NELL1: variants seen among roughly 807,000 people sequenced by gnomAD.
The protein encoded by NELL1 is neural EGFL like 1.
NELL1 carries 76 observed loss-of-function variants against 107.4 expected under a neutral mutation model. The observed-to-expected ratio is 0.71, with a 90% CI of 0.59 to 0.86. The LOEUF (loss-of-function observed/expected upper bound fraction) is 0.86, where lower values mean the gene tolerates loss of function less well. Ranked by LOEUF, NELL1 falls within the 40% of genes least tolerant of loss-of-function variation. The pLI is 0.00. For missense variants in NELL1, 1,024 were observed against 1,005.5 expected, an observed-to-expected ratio of 1.02 and a Z score of -0.25; for synonymous variants, 353 against 341.2, an observed-to-expected ratio of 1.03 and a Z score of -0.38.
At chr11:20,683,777 C>T (rs1349528325) in intron 2 of NELL1, among the ~76,000 whole-genome samples, 1 of 152,024 alleles carries the variant, frequency 6.6e-6, no homozygotes. Context: ...TTTTTGTCCC[C>T]ATTCTTTAAA....
intron 13 of NELL1, among the ~76,000 whole-genome samples, chr11:21,144,342 G>A (rs1160363615): frequency 2.0e-5 from 3 of 152,134 alleles, no homozygotes; most frequent in Non-Finnish European, 2.9e-5. Context: ...AAGGACAGTT[G>A]CATTCTGATT....
At chr11:21,571,754 A>G (rs943960015) in intron 18 of NELL1, among the ~76,000 whole-genome samples, 2 of 151,866 alleles carry the variant, frequency 1.3e-5, no homozygotes, top group African/African-American at 4.8e-5. Context: ...TATATCACAA[A>G]GATTTCTAGC....
chr11:21,276,579 T>C (rs11493405), intron 14 of NELL1, among the ~76,000 whole-genome samples: 53,118 of 151,724 alleles, frequency 0.35, 10,750 homozygotes, highest in Non-Finnish European at 0.47. Context: ...AAAAAGAGCC[T>C]GCATTGCCAA....
intron 15 of NELL1, among the ~76,000 whole-genome samples, chr11:21,466,238 T>C (rs1854026890): frequency 6.6e-6 from 1 of 152,122 alleles, no homozygotes; most frequent in Non-Finnish European, 1.5e-5. Context: ...AGGGCAGTCT[T>C]TCAGCATTGC....
intron 4 of NELL1, among the ~76,000 whole-genome samples, chr11:20,848,026 A>T (rs1474493612): frequency 6.6e-6 from 1 of 152,218 alleles, no homozygotes; most frequent in Non-Finnish European, 1.5e-5. Context: ...AGTGCACCTC[A>T]GTGTGCTCCA....
At chr11:21,419,525 G>A (rs1056767150) in intron 15 of NELL1, among the ~76,000 whole-genome samples, 1 of 152,046 alleles carries the variant, frequency 6.6e-6, no homozygotes, top group African/African-American at 2.4e-5. Context: ...TACAGCAACT[G>A]TTGTCATCAA....
chr11:21,046,690 T>G, intron 12 of NELL1, among the ~76,000 whole-genome samples: 1 of 134,522 alleles, frequency 7.4e-6, no homozygotes, highest in South Asian at 2.1e-4. Flanking sequence ...ATTTATTTAT[T>G]TATTTATTTA....
At chr11:21,203,110 G>T (rs1857307949) in intron 13 of NELL1, among the ~76,000 whole-genome samples, 1 of 152,174 alleles carries the variant, frequency 6.6e-6, no homozygotes, top group Non-Finnish European at 1.5e-5. Flanking sequence ...GATCTGAGGT[G>T]GAGAGTTCTG....
rs561257829 is a variant in NELL1 at position 20,812,331 on chromosome 11, C to G, written c.335+28501C>G. ...ATCTTTTTTGATGTACTGTTGCACT[C>G]TCTTTGACAGTATTTTGTTGAGAAT... is the stretch of plus-strand genomic sequence containing the variant. On this transcript the variant is annotated intron_variant, in intron 3 of 19. Coordinates refer to ENST00000357134, the MANE Select transcript of NELL1 (RefSeq NM_006157.5). Among the ~76,000 whole-genome samples the G allele has an allele frequency of 6.6e-5, 10 of 152,206 alleles. No individual in the cohort carries two copies. The East Asian group carries it at 1.9e-3, about 29-fold the overall frequency.
At chr11:20,719,573 C>T (rs1196284952) in intron 2 of NELL1, among the ~76,000 whole-genome samples, 2 of 152,126 alleles carry the variant, frequency 1.3e-5, no homozygotes, top group East Asian at 3.9e-4. Flanking sequence ...TTCTTTAGCT[C>T]CCTGGAAACA....
At chr11:21,171,699 A>AC (rs1352715747) in intron 13 of NELL1, among the ~76,000 whole-genome samples, 10 of 151,914 alleles carry the variant, frequency 6.6e-5, no homozygotes, top group Admixed American at 2.0e-4. Flanking sequence ...CAAGAAACCT[A>AC]CTTTATTACT....
At chr11:21,543,412 A>C (rs1336145777) in intron 16 of NELL1, among the ~76,000 whole-genome samples, 1 of 152,062 alleles carries the variant, frequency 6.6e-6, no homozygotes, top group Non-Finnish European at 1.5e-5. Flanking sequence ...CAAAATTGCC[A>C]CATGTCATTA....
chr11:21,390,861 C>G lies in NELL1; in HGVS notation c.1645+19913C>G, dbSNP rs567862621. Among the ~76,000 whole-genome samples, 59 of 151,828 alleles carry G rather than the reference C, an allele frequency of 3.9e-4. No homozygotes were observed. The South Asian group carries it at 0.01, about 26-fold the overall frequency. On this transcript the variant is annotated intron_variant, in intron 15 of 19. Transcript: ENST00000357134. ...ATGAAATAAATTTTTCCAGAACATT[C>G]TGCCCACTTCATTCTATACTGGAAG...
intron 14 of NELL1, among the ~76,000 whole-genome samples, chr11:21,269,352 T>C (rs1037614171): frequency 2.5e-5 from 3 of 117,952 alleles, no homozygotes; most frequent in Middle Eastern, 3.8e-3. Flanking sequence ...GCCAAATCCC[T>C]CTCTCTCTCT....
rs148445667 is a variant in NELL1, at chr11:21,075,666, A to G, written c.1301-37923A>G. On this transcript the variant is annotated intron_variant, in intron 12 of 19. Coordinates refer to ENST00000357134, the MANE Select transcript of NELL1 (RefSeq NM_006157.5). ...CATTATGTTTGCTTAGGCTTGTCTC[A>G]AACACCTATGCTCAAGTGATCCTCC... 3.2e-3 allele frequency among the ~76,000 whole-genome samples: 489 copies of G among 152,276 alleles called. 1 individual carries two copies. The highest frequency in any genetic ancestry group is 0.011 in the African/African-American group (450 of 41,554).
chr11:21,268,515 G>C (rs559641253), intron 14 of NELL1, among the ~76,000 whole-genome samples: 1 of 152,086 alleles, frequency 6.6e-6, no homozygotes, highest in Admixed American at 6.6e-5. Context: ...CCTTCCACAT[G>C]GGGGAAGAAA....
At chr11:21,150,440 C>T (rs144058307) in intron 13 of NELL1, among the ~76,000 whole-genome samples, 3 of 152,150 alleles carry the variant, frequency 2.0e-5, no homozygotes, top group African/African-American at 7.2e-5. Context: ...GCAGAGTGTC[C>T]CTTGGCCAAG....
chr11:21,105,883 T>TCCC, intron 12 of NELL1, among the ~76,000 whole-genome samples: 1 of 18,814 alleles, frequency 5.3e-5, no homozygotes, highest in African/African-American at 2.5e-4. Context: ...TCCTCTCTCC[T>TCCC]CTCCTCTCCT....
chr11:21,283,375 C>T (rs4151052), intron 14 of NELL1, among the ~76,000 whole-genome samples: 1,574 of 152,194 alleles, frequency 0.01, 27 homozygotes, highest in African/African-American at 0.031. Context: ...TGAGCACTCT[C>T]GTGTGGGATT....
Sources: gnomAD v4.1 joint callset for allele counts (sites outside exome capture counted in the v4.1 genomes callset) on GRCh38, gnomAD v4.1.1 for gene constraint, MANE v1.5 for transcripts, NCBI Gene and HGNC (gene_info 2026-07-23, HGNC 2026-07-21) for gene names.